The following ANKLE2 variants were observed in gnomAD, a reference collection of about 807,000 sequenced individuals.
ANKLE2 encodes ankyrin repeat and LEM domain containing 2.
In ANKLE2, 55 loss-of-function variants were observed where a neutral mutation model predicts 84.2. The ratio of observed to expected loss-of-function variants is 0.65; its 90% confidence interval spans 0.53 to 0.82. The LOEUF (loss-of-function observed/expected upper bound fraction) is 0.82. Ranked by LOEUF, ANKLE2 falls within the 40% of genes least tolerant of loss-of-function variation. The probability of loss-of-function intolerance (pLI) is 0.00; values close to 1 mark genes in which losing one functional copy is unlikely to be tolerated. For synonymous variants in ANKLE2, 551 were observed against 486.1 expected, an observed-to-expected ratio of 1.13 and a Z score of -1.76; for missense variants, 1,238 against 1,201.9, an observed-to-expected ratio of 1.03 and a Z score of -0.44.
At chr12:132,741,561 T>G (rs1368559022) in intron 6 of ANKLE2, 76 bp from the exon 7 acceptor site, 10 of 1,428,998 alleles carry the variant, frequency 7.0e-6, no homozygotes, top group African/African-American at 1.4e-5. Context: ...TTCAGAAAAA[T>G]AGTTTTAAAC....
rs566130639 is a variant in ANKLE2, at chr12:132,746,348, C to CAAAAAAAAAAAAAA, written c.1230+1470_1230+1483dup. Among the ~76,000 whole-genome samples, 254 of 66,464 alleles carry CAAAAAAAAAAAAAA rather than the reference C, an allele frequency of 3.8e-3. 7 individuals are homozygous for CAAAAAAAAAAAAAA. The highest frequency in any genetic ancestry group is 0.013 in the African/African-American group (233 of 17,808). The allele number at this position is 66,464 out of a possible 152,430, so 43.6% of individuals were successfully genotyped here. The stretch of plus-strand genomic sequence containing the variant: ...TGGGAGACAGAGCAAGACTCTGTCT[C>CAAAAAAAAAAAAAA]AAAAAAAAAAAAAAAAAAAGAATCA... On this transcript the variant is annotated intron_variant, in intron 5 of 12. Coordinates refer to ENST00000357997, the MANE Select transcript of ANKLE2 (RefSeq NM_015114.3).
In ANKLE2 at chr12:132,730,047, C is replaced by G. The variant is rs767298754; in HGVS notation, c.2115G>C (p.Leu705=). The part of the protein sequence containing the change: ...HSSRNGLCHP[L]NHSRTLAGKR... ...TGCCCGCCAGGGTCCTGCTGTGATT[C>G]AGAGGATGGCAGAGCCCATTTCTGC... Residue 705 remains leucine, a synonymous_variant, in exon 11 of 13, where the codon CTG becomes CTC. Coordinates refer to ENST00000357997, the MANE Select transcript of ANKLE2 (RefSeq NM_015114.3). The G allele has an allele frequency of 5.0e-6, 8 of 1,612,902 alleles. No individual in the cohort carries two copies. The highest frequency in any genetic ancestry group is 6.8e-6 in the Non-Finnish European group (8 of 1,179,734).
intron 1 of ANKLE2, chr12:132,759,620 G>T (rs1035912576): frequency 1.4e-5 from 2 of 144,310 alleles, no homozygotes; most frequent in Non-Finnish European, 1.5e-5. Context: ...AAATAAATCA[G>T]TATTTTTTTA....
intron 10 of ANKLE2, chr12:132,733,887 A>G (rs992192406): frequency 1.6e-5 from 7 of 451,446 alleles, no homozygotes; most frequent in Admixed American, 7.2e-5. Context: ...GAATGAAACT[A>G]TATTAGATTT....
Position 132,729,668 on chromosome 12 carries a change from C to T in ANKLE2, c.2483+11G>A. 1.3e-6 allele frequency: 2 copies of T among 1,576,692 alleles called. No homozygotes were observed. Among genetic ancestry groups the T allele is most frequent in the East Asian group, 2.3e-5 (1 of 43,876 alleles). On this transcript the variant is annotated intron_variant, in intron 11 of 12. Coordinates refer to ENST00000357997, the MANE Select transcript of ANKLE2 (RefSeq NM_015114.3). ...GAAGGAAAGTGAGTGCAGAGGGCAA[C>T]ACACTCCTACCCAAAAAGGAAGAGC...
intron 6 of ANKLE2, chr12:132,741,771 A>G (rs1164585404): frequency 7.2e-6 from 4 of 555,750 alleles, no homozygotes; most frequent in South Asian, 4.6e-5. Flanking sequence ...GTACCAGCGC[A>G]TCGAGTAAAA....
intron 10 of ANKLE2, among the ~76,000 whole-genome samples, chr12:132,732,936 C>T (rs1220060333): frequency 7.0e-6 from 1 of 142,580 alleles, no homozygotes; most frequent in African/African-American, 2.8e-5. Context: ...CTGATATGCA[C>T]CGTGTGAAGC....
intron 10 of ANKLE2, chr12:132,730,598 G>A (rs1250288856): frequency 2.1e-5 from 7 of 327,164 alleles, no homozygotes; most frequent in Non-Finnish European, 2.9e-5. Context: ...CATGGCAGGG[G>A]GGTCGCTGGA....
intron 6 of ANKLE2, among the ~76,000 whole-genome samples, chr12:132,742,784 C>CATCATCATCCTCATCAGCATCACA (rs1566024360): frequency 4.6e-3 from 3 of 646 alleles, no homozygotes; most frequent in African/African-American, 6.5e-3. Context: ...TCCTCACTAC[C>CATCATCATCCTCATCAGCATCACA]ACCATCATCA....
chr12:132,733,686 G>A lies in ANKLE2; in HGVS notation c.1891+699C>T, dbSNP rs7955038. 3.3e-3 allele frequency among the ~76,000 whole-genome samples: 498 copies of A among 152,042 alleles called. 2 individuals are homozygous for A. The highest frequency in any genetic ancestry group is 3.8e-3 in the Non-Finnish European group (256 of 67,990). ...TGAAGCGCTCTGCGTCCTGGTGTCT[G>A]ATATGCACTGTGTGAAGCGCTCTGC... On this transcript the variant is annotated intron_variant, in intron 10 of 12. Transcript: ENST00000357997.
Position 132,737,061 on chromosome 12 carries a change from G to C in ANKLE2, c.1425C>G (p.His475Gln). The change falls in exon 8 of 13, where the codon CAC (histidine) becomes CAG (glutamine). Residue 475 changes from histidine (H) to glutamine (Q), a missense_variant. Around this residue, in one of 3 missense-constraint regions of ANKLE2, gnomAD observed 802 missense variants for 774.5 expected, o/e 1.04. Coordinates refer to ENST00000357997, the MANE Select transcript of ANKLE2 (RefSeq NM_015114.3). ...KERIREYLKG[H>Q]YYVPLLRAEE... ...CCGCTCTCAGGAGGGGCACGTAGTA[G>C]TGGCCTGAGGGAGGAGACAGGCACT... is the stretch of plus-strand genomic sequence containing the variant. 4 of 1,593,294 alleles carry C rather than the reference G, an allele frequency of 2.5e-6. No individual in the cohort carries two copies. Among genetic ancestry groups the C allele is most frequent in the Non-Finnish European group, 3.4e-6 (4 of 1,165,304 alleles).
chr12:132,740,829 A>AGAGGCGAGGGGGGAGGGAACGTCCCG (rs2044105273), intron 7 of ANKLE2, among the ~76,000 whole-genome samples: 1 of 143,952 alleles, frequency 6.9e-6, no homozygotes, highest in African/African-American at 2.5e-5. Flanking sequence ...CCTCTCTCCC[A>AGAGGCGAGGGGGGAGGGAACGTCCCG]GAGGCGAGTG....
intron 5 of ANKLE2, among the ~76,000 whole-genome samples, chr12:132,745,905 G>T (rs1036594079): frequency 3.3e-5 from 5 of 152,216 alleles, no homozygotes; most frequent in African/African-American, 9.6e-5. Context: ...CGTGGCTACC[G>T]CATCCACATG....
chr12:132,759,099 C>A (rs2044551753), intron 1 of ANKLE2: 1 of 101,514 alleles, frequency 9.9e-6, no homozygotes, highest in Non-Finnish European at 1.9e-5. Flanking sequence ...CCGGGGCACC[C>A]ACGTGGCAGA....
Position 132,734,457 on chromosome 12 carries a change from C to T in ANKLE2, c.1819G>A (p.Glu607Lys), listed in dbSNP as rs1404377742. 3.7e-6 allele frequency: 6 copies of T among 1,613,974 alleles called. No homozygotes were observed. Among genetic ancestry groups the T allele is most frequent in the Middle Eastern group, 3.3e-4 (2 of 6,082 alleles). Residue 607 changes from glutamate to lysine, a missense_variant, in exon 10 of 13, where the codon GAA becomes AAA. Around this residue, in one of 3 missense-constraint regions of ANKLE2, gnomAD observed 802 missense variants for 774.5 expected, o/e 1.04. Coordinates refer to ENST00000357997, the MANE Select transcript of ANKLE2 (RefSeq NM_015114.3). ...QRLEEYLTQQ[E>K]IGKKAQQETG... The stretch of plus-strand genomic sequence containing the variant: ...TCTTGTTGAGCCTTTTTGCCTATTT[C>T]CTGCTGTGTGAGATATTCTTCTAGT...
At chr12:132,745,733 T>G (rs1438127940) in intron 5 of ANKLE2, 1 of 186,838 alleles carries the variant, frequency 5.4e-6, no homozygotes, top group East Asian at 1.3e-4. Context: ...GACGAGCCCG[T>G]CGGATCCCGC....
intron 10 of ANKLE2, among the ~76,000 whole-genome samples, chr12:132,733,253 C>T (rs113255022): frequency 0.19 from 7,807 of 41,458 alleles, 423 homozygotes; most frequent in African/African-American, 0.35. Context: ...TGAAGCACTG[C>T]GCGTCCTGGT....
chr12:132,734,026 A>T (rs1435931875), intron 10 of ANKLE2: 2 of 464,424 alleles, frequency 4.3e-6, no homozygotes, highest in African/African-American at 4.0e-5. Context: ...TCACGAGGTC[A>T]GGAGTTCGAG....
At position 132,755,070 on chromosome 12, in the gene ANKLE2, T is replaced by C. The variant is rs763229077; in HGVS notation, c.245A>G (p.Glu82Gly). 1.2e-6 allele frequency: 2 copies of C among 1,613,596 alleles called. No homozygotes were observed. The highest frequency in any genetic ancestry group is 1.7e-6 in the Non-Finnish European group (2 of 1,180,030). Residue 82 changes from glutamate to glycine, a missense_variant, in exon 2 of 13, where the codon GAA becomes GGA. This residue lies in a region of ANKLE2 where 422 missense variants were observed against 394.5 expected (regional missense o/e 1.07). Transcript: ENST00000357997. ...TTTCAATCCGGCTTTGACGATTTCT[T>C]CTCTAAGGTCATCTGGATTCAGAAG... ...LKLLNPDDLR[E>G]EIVKAGLKCG... is the part of the protein sequence containing the mutation.
Sources: allele counts gnomAD v4.1 joint callset (sites outside exome capture counted in the v4.1 genomes callset), GRCh38; gene constraint gnomAD v4.1.1; regional missense constraint gnomAD v4.1.1; transcripts MANE v1.5; gene names NCBI Gene and HGNC (gene_info 2026-07-23, HGNC 2026-07-21).